The following CNOT1 variants were observed in gnomAD, a reference collection of about 807,000 sequenced individuals.
The protein encoded by CNOT1 is CCR4-associated factor 1.
In CNOT1, 15 loss-of-function variants were observed where a neutral mutation model predicts 273.8. The observed-to-expected ratio is 0.05, with a 90% CI of 0.04 to 0.08. The LOEUF (loss-of-function observed/expected upper bound fraction) is 0.08, where lower values mean the gene tolerates loss of function less well. Among genes scored for constraint, CNOT1 ranks in the 10% least tolerant of loss-of-function variants. The probability of loss-of-function intolerance (pLI) is 1.00; values close to 1 mark genes in which losing one functional copy is unlikely to be tolerated. For missense variants in CNOT1, 1,644 were observed against 2,912.2 expected (o/e 0.56, Z 10.02); for synonymous variants, 1,022 against 1,005.5 (o/e 1.02, Z -0.31).
Position 58,599,322 on chromosome 16 carries a change from G to A in CNOT1, c.16C>T (p.Leu6Phe). ...CTGATTTGAGACAAGGCCAGCGAGA[G>A]CGAGTCAAGATTCATTGCTGGTTGG... MNLDS[L>F]SLALSQISYL... The change falls in exon 2 of 49, where the codon CTC becomes TTC. Residue 6 changes from leucine to phenylalanine, a missense_variant. Physicochemically the swap from Leu to Phe is conservative, Grantham distance 22. Coordinates refer to ENST00000317147, the MANE Select transcript of CNOT1 (RefSeq NM_016284.5). 6.2e-7 allele frequency: 1 copy of A among 1,614,212 alleles called. No homozygotes were observed. Among genetic ancestry groups the A allele is most frequent in the East Asian group, 2.2e-5 (1 of 44,882 alleles).
intron 30 of CNOT1, among the ~76,000 whole-genome samples, chr16:58,544,112 A>G (rs1169498836): frequency 6.6e-6 from 1 of 152,190 alleles, no homozygotes; most frequent in Non-Finnish European, 1.5e-5. Flanking sequence ...ACAATAATAG[A>G]TATGTCTTTT....
In CNOT1 at chr16:58,591,552, G is replaced by A. The variant is rs1270188640; in HGVS notation, c.103-2646C>T. ...GCGGATCACCTGAGGTCAGGAGTTCGAGACCAGCCTGACCAACATGGTGAA... is the reference window on the plus strand; with the variant it reads ...GCGGATCACCTGAGGTCAGGAGTTCAAGACCAGCCTGACCAACATGGTGAA... On this transcript the variant is annotated intron_variant, in intron 2 of 48. Transcript: ENST00000317147. Among the ~76,000 whole-genome samples, 7 of 152,146 alleles carry A rather than the reference G, an allele frequency of 4.6e-5. No individual in the cohort carries two copies. The East Asian group carries it at 1.4e-3, about 29-fold the overall frequency.
intron 46 of CNOT1, chr16:58,523,709 T>C (rs910162363): frequency 3.0e-5 from 13 of 437,250 alleles, no homozygotes; most frequent in East Asian, 1.0e-4. Flanking sequence ...TTTAAAAATA[T>C]TCATTTTTAA....
chr16:58,613,608 T>C (rs2042974298), intron 1 of CNOT1, among the ~76,000 whole-genome samples: 1 of 123,312 alleles, frequency 8.1e-6, no homozygotes, highest in South Asian at 2.4e-4. Context: ...AATCATAAAG[T>C]GGCAAACCAT....
intron 22 of CNOT1, 60 bp from the exon 23 acceptor site, chr16:58,551,879 C>T (rs2040459599): frequency 1.9e-6 from 3 of 1,590,252 alleles, no homozygotes; most frequent in Non-Finnish European, 1.7e-6. Context: ...GATTATACGT[C>T]CCTCTTTTCT....
intron 16 of CNOT1, among the ~76,000 whole-genome samples, chr16:58,573,542 G>A (rs372343110): frequency 4.1e-5 from 6 of 146,028 alleles, no homozygotes; most frequent in Admixed American, 1.4e-4. Flanking sequence ...GTGCAGTGGC[G>A]AGATCTCGGC....
At chr16:58,575,204 G>A in intron 14 of CNOT1, 75 bp from the exon 15 acceptor site, 4 of 1,552,608 alleles carry the variant, frequency 2.6e-6, no homozygotes, top group South Asian at 1.2e-5. Context: ...TCTGTTTTTC[G>A]CTTTCCACAA....
In CNOT1 at chr16:58,558,475, G is replaced by C. The variant is rs2040715966; in HGVS notation, c.2330C>G (p.Pro777Arg). 6.2e-7 allele frequency: 1 copy of C among 1,613,726 alleles called. No homozygotes were observed. The highest frequency in any genetic ancestry group is 1.3e-5 in the African/African-American group (1 of 74,880). The change falls in exon 18 of 49, where the codon CCA (proline) becomes CGA (arginine). Residue 777 changes from proline to arginine, a missense_variant and splice_region_variant. Pro to Arg is a moderately radical substitution (Grantham distance 103). Around this residue, in one of 13 missense-constraint regions of CNOT1, gnomAD observed 706 missense variants for 1,021.2 expected, o/e 0.69. Transcript: ENST00000317147. ...SGIGGLSSQL[P>R]VGGLGTGSLT... Reference sequence around the variant, plus strand: ...GCTCTCATTTGCCTCCCCCTTACCTGGAAGCTGTGATGAAAGTCCTCCAAT... The same window carrying C: ...GCTCTCATTTGCCTCCCCCTTACCTCGAAGCTGTGATGAAAGTCCTCCAAT...
In CNOT1 at chr16:58,583,141, C is replaced by T. The variant is rs970926071; in HGVS notation, c.848G>A (p.Arg283Gln). The T allele has an allele frequency of 1.9e-6, 3 of 1,613,914 alleles. No homozygotes were observed. Among genetic ancestry groups the T allele is most frequent in the Non-Finnish European group, 1.7e-6 (2 of 1,180,008 alleles). ...TGCAACCTGGGCAGCTGTGACCTCC[C>T]GAACACCAAACTGCACGATTATATT... ...CRNIIVQFGV[R>Q]EVTAAQVARV... Residue 283 changes from arginine (R) to glutamine (Q), a missense_variant, in exon 9 of 49, where the codon CGG (arginine) becomes CAG (glutamine). This residue lies in a region of CNOT1 where 706 missense variants were observed against 1,021.2 expected (regional missense o/e 0.69). Transcript: ENST00000317147.
intron 3 of CNOT1, 120 bp from the exon 4 acceptor site, chr16:58,587,998 A>C: frequency 5.8e-6 from 6 of 1,040,428 alleles, no homozygotes; most frequent in Non-Finnish European, 4.0e-6. Flanking sequence ...TATTATCAAA[A>C]TCGGCTCTTT....
chr16:58,583,754 ATC>A (rs2041734159), intron 8 of CNOT1, among the ~76,000 whole-genome samples: 1 of 151,868 alleles, frequency 6.6e-6, no homozygotes, highest in Non-Finnish European at 1.5e-5. Flanking sequence ...GGCCAGGCTG[ATC>A]TCAAACTCCT....
At chr16:58,590,502 T>C (rs2042014894) in intron 2 of CNOT1, among the ~76,000 whole-genome samples, 1 of 151,942 alleles carries the variant, frequency 6.6e-6, no homozygotes, top group Admixed American at 6.6e-5. Flanking sequence ...GGCTGATGTA[T>C]GAGAATCGCT....
chr16:58,550,087 C>T (rs2040401522), intron 24 of CNOT1, among the ~76,000 whole-genome samples, 189 bp from the exon 25 acceptor site: 1 of 152,210 alleles, frequency 6.6e-6, no homozygotes, highest in South Asian at 2.1e-4. Flanking sequence ...AATCACAACT[C>T]AACCCATACG....
chr16:58,572,448 A>C (rs538594833), intron 16 of CNOT1, among the ~76,000 whole-genome samples: 46 of 152,220 alleles, frequency 3.0e-4, no homozygotes, highest in Middle Eastern at 6.8e-3. Context: ...TAGCCTGGGC[A>C]AGACAGTGAA....
chr16:58,558,373 G>A, intron 18 of CNOT1, 100 bp downstream of exon 18: 1 of 1,547,430 alleles, frequency 6.5e-7, no homozygotes, highest in Admixed American at 2.0e-5. Flanking sequence ...CATTTAAGCA[G>A]CTTTCCTTAT....
chr16:58,580,724 T>C lies in CNOT1; in HGVS notation c.1252A>G (p.Ile418Val). The change falls in exon 12 of 49, where the codon ATC becomes GTC. Residue 418 changes from isoleucine (I) to valine (V), a missense_variant. Transcript: ENST00000317147. ...FIQHSLINPE[I>V]FCFADYPCHT... ...CAGGGATAGTCAGCAAAACAGAAGA[T>C]CTCTGGATTTATAAGGGAATGTTGA... 1.2e-6 allele frequency: 2 copies of C among 1,612,950 alleles called. No individual in the cohort carries two copies. The highest frequency in any genetic ancestry group is 1.7e-4 in the Middle Eastern group (1 of 6,052).
intron 40 of CNOT1, 73 bp from the exon 41 acceptor site, chr16:58,532,468 A>T (rs2151904842): frequency 6.4e-7 from 1 of 1,557,692 alleles, no homozygotes; most frequent in Middle Eastern, 2.0e-4. Flanking sequence ...CATGCTTTTT[A>T]AACTTTGCAT....
chr16:58,578,761 G>A lies in CNOT1; in HGVS notation c.1522C>T (p.Pro508Ser). ...LRHELISTLM[P>S]IFLGNHPNSA... ...TTAGGATGGTTTCCAAGGAAAATTG[G>A]CATCAGAGTGGAGATAAGTTCATGG... Residue 508 changes from proline (P) to serine (S), a missense_variant, in exon 13 of 49, where the codon CCA (proline) becomes TCA (serine). Physicochemically the swap from Pro to Ser is moderately conservative, Grantham distance 74 (BLOSUM62 -1). This residue lies in a region of CNOT1 where 706 missense variants were observed against 1,021.2 expected (regional missense o/e 0.69). Transcript: ENST00000317147. The A allele has an allele frequency of 2.5e-6, 4 of 1,614,082 alleles. No homozygotes were observed. Among genetic ancestry groups the A allele is most frequent in the Non-Finnish European group, 8.5e-7 (1 of 1,180,022 alleles).
In CNOT1 at chr16:58,557,105, TTAC is replaced by T. The variant is rs1423200319; in HGVS notation, c.2333-115_2333-113del. On this transcript the variant is annotated intron_variant, in intron 18 of 48. Coordinates refer to ENST00000317147, the MANE Select transcript of CNOT1 (RefSeq NM_016284.5). ...TTTTAAAATAAAGTCATAGTAACTC[TTAC>T]TTTAAAAGTCAGAGTCTTTGTTAAT... 1.0e-5 allele frequency: 14 copies of T among 1,359,034 alleles called. No homozygotes were observed. In the Admixed American group the frequency reaches 2.3e-4, roughly 23 times the overall value. The allele number at this position is 1,359,034 out of a possible 1,614,324, so 84.2% of individuals were successfully genotyped here. A position where few individuals can be genotyped will look rare whatever the true frequency, so the allele number is the denominator to read the frequency against.
Sources: gnomAD v4.1 joint callset for allele counts (sites outside exome capture counted in the v4.1 genomes callset) on GRCh38, gnomAD v4.1.1 for gene constraint, gnomAD v4.1.1 regional missense constraint, MANE v1.5 for transcripts, NCBI Gene and HGNC (gene_info 2026-07-23, HGNC 2026-07-21) for gene names.